AIRE: variants seen among roughly 807,000 people sequenced by gnomAD.
AIRE encodes the protein autoimmune polyendocrinopathy candidiasis ectodermal dystrophy protein.
Under a neutral mutation model 62.1 loss-of-function variants are expected in AIRE, and 52 were observed. The observed-to-expected ratio is 0.84, with a 90% confidence interval of 0.67 to 1.06. The LOEUF (loss-of-function observed/expected upper bound fraction) is 1.06, where lower values mean the gene tolerates loss of function less well. Among genes scored for constraint, AIRE ranks in the 50% least tolerant of loss-of-function variants. The pLI, the probability that AIRE is intolerant of heterozygous loss-of-function variation, is 0.00. For synonymous variants in AIRE, 342 were observed against 321.6 expected, an observed-to-expected ratio of 1.06 and a Z score of -0.68; for missense variants, 774 against 755.8, an observed-to-expected ratio of 1.02 and a Z score of -0.28.
At chr21:44,290,133 C>T (rs1019065756) in intron 7 of AIRE, 65 bp downstream of exon 7, 3 of 1,561,484 alleles carry the variant, frequency 1.9e-6, no homozygotes, top group Non-Finnish European at 2.6e-6. Flanking sequence ...GGTCCTGCTG[C>T]CTCTGCCTTT....
chr21:44,294,324 A>G (rs1601970471), intron 11 of AIRE, 77 bp from the exon 12 acceptor site: 7 of 454,628 alleles, frequency 1.5e-5, no homozygotes, highest in Middle Eastern at 6.7e-4. Flanking sequence ...ACCCACGCCC[A>G]CACCCCACAC....
intron 5 of AIRE, 47 bp downstream of exon 5, chr21:44,288,505 C>T: frequency 7.0e-7 from 1 of 1,419,282 alleles, no homozygotes; most frequent in Non-Finnish European, 9.9e-7. Flanking sequence ...GACCCAGGCT[C>T]CAAGATGGAA....
chr21:44,286,927 C>T lies in AIRE; in HGVS notation c.308-51C>T. ...TGTCCAGTTCTGGGGCCCACCCTAC[C>T]CCTGGAGAAAACCCTGAGGTTGGGA... On this transcript the variant is annotated intron_variant, in intron 2 of 13. Coordinates refer to ENST00000291582, the MANE Select transcript of AIRE (RefSeq NM_000383.4). This position sits in a 1 kb window ranked among gnomAD's most constrained non-coding sequence, Gnocchi z 6.0. The T allele has an allele frequency of 6.2e-7, 1 of 1,611,588 alleles. No individual in the cohort carries two copies. Among genetic ancestry groups the T allele is most frequent in the Non-Finnish European group, 8.5e-7 (1 of 1,179,124 alleles).
chr21:44,292,526 G>A (rs141818563), intron 9 of AIRE, 125 bp downstream of exon 9: 773 of 680,706 alleles, frequency 1.1e-3, no homozygotes, highest in Non-Finnish European at 1.8e-3. Context: ...GACTGCCCCA[G>A]CCATAGCACT....
Position 44,287,982 on chromosome 21 carries a change from C to T in AIRE, c.539-363C>T, listed in dbSNP as rs571360161. On this transcript the variant is annotated intron_variant, in intron 4 of 13. Coordinates refer to ENST00000291582, the MANE Select transcript of AIRE (RefSeq NM_000383.4). The surrounding 1 kb of genome is among the most constrained non-coding windows in gnomAD (Gnocchi z 4.3). ...TTCCCAGGGCACTGGACTCCAGAGA[C>T]CCCCTATCTCCCTGAGGGCAGAGCC... Among the ~76,000 whole-genome samples the T allele has an allele frequency of 5.0e-4, 76 of 152,310 alleles. No homozygotes were observed. Among genetic ancestry groups the T allele is most frequent in the Middle Eastern group, 6.8e-3 (2 of 294 alleles).
intron 7 of AIRE, chr21:44,290,422 C>T (rs988687731): frequency 1.9e-5 from 19 of 985,270 alleles, no homozygotes; most frequent in African/African-American, 3.5e-5. Context: ...TCGTCCCCAG[C>T]ATGGTTTCTT....
intron 6 of AIRE, 47 bp from the exon 7 acceptor site, chr21:44,289,941 C>T (rs769038893): frequency 1.3e-6 from 2 of 1,599,928 alleles, no homozygotes; most frequent in Non-Finnish European, 1.7e-6. Context: ...CATGTGCACC[C>T]TCGCTGCTGA....
chr21:44,294,789 C>G (rs573486913), intron 12 of AIRE, among the ~76,000 whole-genome samples: 54 of 152,312 alleles, frequency 3.5e-4, no homozygotes, highest in African/African-American at 1.1e-3. Flanking sequence ...AGAGTCCTGC[C>G]AGGGCTCCCT....
chr21:44,295,097 C>CA (rs111642117), intron 12 of AIRE, among the ~76,000 whole-genome samples: 10,719 of 152,170 alleles, frequency 0.07, 1,294 homozygotes, highest in African/African-American at 0.24. Context: ...CAGGAGCCTC[C>CA]GGGGGGGTGG....
Position 44,297,620 on chromosome 21 carries a change from G to A in AIRE, c.1567-36G>A, listed in dbSNP as rs1190247612. The A allele has an allele frequency of 4.5e-6, 7 of 1,554,440 alleles. No individual in the cohort carries two copies. Among genetic ancestry groups the A allele is most frequent in the East Asian group, 2.3e-5 (1 of 44,432 alleles). On this transcript the variant is annotated intron_variant, in intron 13 of 13. Transcript: ENST00000291582. This position sits in a 1 kb window ranked among gnomAD's most constrained non-coding sequence, Gnocchi z 4.8. ...ATGATTCTGTGGCTGCGGCGGGGGC[G>A]CACCTGGAGGTTCTCACCGTCACTC... is the stretch of plus-strand genomic sequence containing the variant.
At chr21:44,291,573 G>T (rs918286380) in intron 8 of AIRE, among the ~76,000 whole-genome samples, 1 of 152,064 alleles carries the variant, frequency 6.6e-6, no homozygotes, top group African/African-American at 2.4e-5. Context: ...AGACAGGGCT[G>T]GGGAGCACAG....
intron 5 of AIRE, chr21:44,288,959 A>G (rs964938391): frequency 1.2e-5 from 2 of 170,528 alleles, no homozygotes; most frequent in African/African-American, 4.8e-5. Flanking sequence ...CTGGTGGCAG[A>G]CCCACCGTGC....
intron 5 of AIRE, 109 bp from the exon 6 acceptor site, chr21:44,289,548 C>A: frequency 6.8e-7 from 1 of 1,475,068 alleles, no homozygotes; most frequent in Non-Finnish European, 9.3e-7. Context: ...GGAATGCAGG[C>A]TGTGGGAACT....
chr21:44,289,654 C>T lies in AIRE; in HGVS notation c.653-3C>T, dbSNP rs1202702725. 5 of 1,612,752 alleles carry T rather than the reference C, an allele frequency of 3.1e-6. No individual in the cohort carries two copies. Among genetic ancestry groups the T allele is most frequent in the South Asian group, 1.1e-5 (1 of 91,076 alleles). On this transcript the variant is annotated splice_region_variant and splice_polypyrimidine_tract_variant and intron_variant, in intron 5 of 13. Transcript: ENST00000291582. The stretch of plus-strand genomic sequence containing the variant: ...GCCAGGACCAGCCGGCATCTCCTCC[C>T]AGGCGGCTCCAAGAAGTGCATCCAG...
chr21:44,294,329 C>T (rs2040582845), intron 11 of AIRE, 72 bp from the exon 12 acceptor site: 1 of 1,031,978 alleles, frequency 9.7e-7, no homozygotes, highest in African/African-American at 1.6e-5. Flanking sequence ...CGCCCACACC[C>T]CACACCCCAT....
chr21:44,293,242 C>CA (rs2040562895), intron 10 of AIRE, 67 bp downstream of exon 10: 1 of 1,430,888 alleles, frequency 7.0e-7, no homozygotes, highest in African/African-American at 1.4e-5. Context: ...CGGATGAATT[C>CA]ACCTGAAACA....
Position 44,287,179 on chromosome 21 carries a change from G to A in AIRE, c.463+46G>A, listed in dbSNP as rs567147078. The A allele has an allele frequency of 1.2e-5, 19 of 1,605,312 alleles. No individual in the cohort carries two copies. Among genetic ancestry groups the A allele is most frequent in the East Asian group, 8.9e-5 (4 of 44,768 alleles). ...GCCAGCCAGGGTCTCCAGTCTTCCCGGGCTTCCCCGGGAGCCCACGCCCCC... is the reference window on the plus strand; with the variant it reads ...GCCAGCCAGGGTCTCCAGTCTTCCCAGGCTTCCCCGGGAGCCCACGCCCCC... On this transcript the variant is annotated intron_variant, in intron 3 of 13. Coordinates refer to ENST00000291582, the MANE Select transcript of AIRE (RefSeq NM_000383.4). This position sits in a 1 kb window ranked among gnomAD's most constrained non-coding sequence, Gnocchi z 4.3.
Position 44,286,110 on chromosome 21 carries a change from A to G in AIRE, c.104A>G (p.His35Arg), listed in dbSNP as rs1273452030. 6.5e-7 allele frequency: 1 copy of G among 1,546,974 alleles called. No individual in the cohort carries two copies. The highest frequency in any genetic ancestry group is 2.0e-5 in the Admixed American group (1 of 50,964). Residue 35 changes from histidine (H) to arginine (R), a missense_variant, in exon 1 of 14, where the codon CAC becomes CGC. Coordinates refer to ENST00000291582, the MANE Select transcript of AIRE (RefSeq NM_000383.4). The surrounding 1 kb of genome is among the most constrained non-coding windows in gnomAD (Gnocchi z 6.0). Reference protein sequence around the residue: ...AFPLLHALADHDVVPEDKFQE... With the variant: ...AFPLLHALADRDVVPEDKFQE... Reference sequence around the variant, plus strand: ...CCACTGCTGCACGCGCTGGCTGACCACGACGTGGTCCCCGAGGACAAGTTT... The same window carrying G: ...CCACTGCTGCACGCGCTGGCTGACCGCGACGTGGTCCCCGAGGACAAGTTT...
chr21:44,286,835 G>A lies in AIRE; in HGVS notation c.307+104G>A. The A allele has an allele frequency of 6.4e-7, 1 of 1,566,342 alleles. No individual in the cohort carries two copies. The highest frequency in any genetic ancestry group is 8.8e-7 in the Non-Finnish European group (1 of 1,142,664). ...GGAGTGGTGTTTGAGGAGCCCGTGG[G>A]TGATGTTCCAGGACCGTCTTGGATC... On this transcript the variant is annotated intron_variant, in intron 2 of 13. Coordinates refer to ENST00000291582, the MANE Select transcript of AIRE (RefSeq NM_000383.4). This position sits in a 1 kb window ranked among gnomAD's most constrained non-coding sequence, Gnocchi z 6.0.
Sources: allele counts gnomAD v4.1 joint callset (sites outside exome capture counted in the v4.1 genomes callset), GRCh38; gene constraint gnomAD v4.1.1; non-coding constraint Gnocchi (gnomAD v3.1); transcripts MANE v1.5; gene names NCBI Gene and HGNC (gene_info 2026-07-23, HGNC 2026-07-21).